Variants in TENM1 observed in about 807,000 individuals in gnomAD.
TENM1 encodes the protein teneurin transmembrane protein 1, also known as teneurin-1.
In TENM1, 35 loss-of-function variants were observed where a neutral mutation model predicts 174.8. That is an observed-to-expected ratio of 0.20 (90% CI 0.15 to 0.27). The LOEUF is 0.27. Ranked by LOEUF, TENM1 falls within the 10% of genes least tolerant of loss-of-function variation. The pLI, the probability that TENM1 is intolerant of heterozygous loss-of-function variation, is 1.00. For missense variants in TENM1, 1,633 were observed against 2,130.1 expected (o/e 0.77, Z 4.59); for synonymous variants, 781 against 798.7 (o/e 0.98, Z 0.37).
chrX:124,862,447 T>C (rs1328237226), intron 3 of TENM1, among the ~76,000 whole-genome samples: 2 of 111,604 alleles, frequency 1.8e-5, no homozygotes, highest in Non-Finnish European at 3.8e-5. Context: ...AGAGTATCTC[T>C]GGGCGCTGGG....
At chrX:124,890,174 G>A (rs762595507) in intron 3 of TENM1, among the ~76,000 whole-genome samples, 1 of 112,038 alleles carries the variant, frequency 8.9e-6, no homozygotes, top group African/African-American at 3.2e-5. Flanking sequence ...TTAGCTTCTT[G>A]ATAAACAATT....
chrX:124,773,435 A>C (rs1254177815), intron 3 of TENM1, among the ~76,000 whole-genome samples: 1 of 110,759 alleles, frequency 9.0e-6, no homozygotes. Context: ...AAAAAAAAAA[A>C]AACATGTAAA....
At chrX:124,440,587 A>AT (rs1295913845) in intron 23 of TENM1, among the ~76,000 whole-genome samples, 2 of 111,764 alleles carry the variant, frequency 1.8e-5, no homozygotes, top group African/African-American at 6.5e-5. Flanking sequence ...ATGATTTAAC[A>AT]TTTTTTTCTG....
At chrX:124,559,945 TTTAAG>T (rs1361526334) in intron 14 of TENM1, among the ~76,000 whole-genome samples, 1 of 110,435 alleles carries the variant, frequency 9.1e-6, no homozygotes, top group Non-Finnish European at 1.9e-5. Context: ...GGAGATATGG[TTTAAG>T]TTGAGACTTA....
chrX:124,406,617 C>T lies in TENM1; in HGVS notation c.4983-128G>A. On this transcript the variant is annotated intron_variant, in intron 25 of 31. Transcript: ENST00000422452. ...GATAACAAGTATTATTAACCTTGTT[C>T]AAGAAGAAGAAAAAGGTCAGAGAGA... is the stretch of plus-strand genomic sequence containing the variant. The T allele has an allele frequency of 7.2e-6, 3 of 417,049 alleles. No homozygotes were observed. The East Asian group carries it at 1.2e-4, about 16-fold the overall frequency. 34.4% of individuals were successfully genotyped at this position (417,049 alleles called of 1,213,427 possible).
chrX:124,708,316 T>G (rs1195310651), intron 4 of TENM1, among the ~76,000 whole-genome samples: 1 of 111,626 alleles, frequency 9.0e-6, no homozygotes, highest in Non-Finnish European at 1.9e-5. Context: ...TTCAGTATCA[T>G]GAGGTTAAAA....
intron 11 of TENM1, among the ~76,000 whole-genome samples, chrX:124,608,754 A>G (rs1035467656): frequency 9.2e-6 from 1 of 108,281 alleles, no homozygotes; most frequent in African/African-American, 3.3e-5. Context: ...AGTCAGGGGA[A>G]AGAACTGAAG....
chrX:124,977,340 T>C, the TENM1 span, among the ~76,000 whole-genome samples: 4 of 111,426 alleles, frequency 3.6e-5, no homozygotes, highest in African/African-American at 1.3e-4. Flanking sequence ...ATTCAGGGAG[T>C]CAATGTTTAT....
chrX:124,779,715 T>A lies in TENM1; in HGVS notation c.536-42518A>T, dbSNP rs779610268. On this transcript the variant is annotated intron_variant, in intron 3 of 31. Coordinates refer to ENST00000422452, the Ensembl canonical transcript of TENM1. ...CTGGAAGTTGACTCTAACTGAAAGATGCCAACAACAATATTTGTGGCAGTA... is the reference window on the plus strand; with the variant it reads ...CTGGAAGTTGACTCTAACTGAAAGAAGCCAACAACAATATTTGTGGCAGTA... Among the ~76,000 whole-genome samples, 11 of 112,211 alleles carry A rather than the reference T, an allele frequency of 9.8e-5. 1 individual carries two copies. In the Middle Eastern group the frequency reaches 0.014, roughly 140 times the overall value.
intron 5 of TENM1, among the ~76,000 whole-genome samples, chrX:124,701,682 T>A (rs186536466): frequency 8.9e-6 from 1 of 112,341 alleles, no homozygotes; most frequent in African/African-American, 3.2e-5. Context: ...GCTATCTTCA[T>A]ATAATCAGTA....
intron 3 of TENM1, among the ~76,000 whole-genome samples, chrX:124,739,674 T>C (rs927259381): frequency 2.7e-5 from 3 of 112,231 alleles, no homozygotes; most frequent in Non-Finnish European, 5.6e-5. Flanking sequence ...ATTTTTGCCA[T>C]AAATTTGATC....
intron 27 of TENM1, among the ~76,000 whole-genome samples, chrX:124,398,877 T>A (rs763730286): frequency 3.7e-4 from 41 of 111,925 alleles, no homozygotes; most frequent in Admixed American, 1.2e-3. Context: ...GGATTTTCAA[T>A]CATTTGTTTA....
intron 17 of TENM1, 148 bp from the exon 21 acceptor site, chrX:124,520,932 T>C (rs376086930): frequency 3.8e-6 from 2 of 528,969 alleles, no homozygotes; most frequent in East Asian, 7.3e-5. Flanking sequence ...TGTTCTTGAA[T>C]CTTTGTGAGA....
chrX:124,415,986 G>A (rs1403373804), intron 25 of TENM1, among the ~76,000 whole-genome samples: 2 of 111,175 alleles, frequency 1.8e-5, no homozygotes, highest in Non-Finnish European at 3.8e-5. Flanking sequence ...TGTTTACTCT[G>A]TTTCTCCTCC....
chrX:125,069,121 C>T, the TENM1 span, among the ~76,000 whole-genome samples: 2 of 111,408 alleles, frequency 1.8e-5, no homozygotes, highest in African/African-American at 3.3e-5. Context: ...GAACATTGTA[C>T]CCAACAGGCA....
chrX:124,487,810 C>A (rs1402079241), intron 20 of TENM1, among the ~76,000 whole-genome samples: 1 of 111,777 alleles, frequency 8.9e-6, no homozygotes, highest in Non-Finnish European at 1.9e-5. Flanking sequence ...AACACTAACC[C>A]TAAGCCACTT....
chrX:124,824,144 T>G (rs1037045990), intron 3 of TENM1, among the ~76,000 whole-genome samples: 3 of 111,927 alleles, frequency 2.7e-5, no homozygotes, highest in African/African-American at 9.7e-5. Flanking sequence ...TAGGGTGAAA[T>G]AGTTATCAAT....
At chrX:124,981,956 T>TAAAA in the TENM1 span, among the ~76,000 whole-genome samples, 180 of 26,534 alleles carry the variant, frequency 6.8e-3, no homozygotes, top group Middle Eastern at 0.038. Flanking sequence ...TAGAGTATAA[T>TAAAA]AAAAAAAAAA....
At chrX:125,005,407 TTGTG>T in the TENM1 span, among the ~76,000 whole-genome samples, 7,008 of 89,379 alleles carry the variant, frequency 0.078, 581 homozygotes, top group African/African-American at 0.23. Flanking sequence ...CCTGACTTGG[TTGTG>T]TGTGTGTGTG....
Sources: gnomAD v4.1 joint callset for allele counts (sites outside exome capture counted in the v4.1 genomes callset) on GRCh38, gnomAD v4.1.1 for gene constraint, MANE v1.5 for transcripts, NCBI Gene and HGNC (gene_info 2026-07-23, HGNC 2026-07-21) for gene names.